The following TMEM135 variants were observed in gnomAD, a reference collection of about 807,000 sequenced individuals.
The protein encoded by TMEM135 is peroxisomal membrane protein 52.
A neutral mutation model predicts 60.3 loss-of-function variants in TMEM135; 30 were observed. The observed-to-expected ratio is 0.50, with a 90% CI of 0.37 to 0.68. TMEM135 has a LOEUF of 0.68. Ranked by LOEUF, TMEM135 falls within the 30% of genes least tolerant of loss-of-function variation. The probability of loss-of-function intolerance (pLI) is 0.00; values close to 1 mark genes in which losing one functional copy is unlikely to be tolerated. For missense variants in TMEM135, 468 were observed against 548.8 expected (o/e 0.85, Z 1.47); for synonymous variants, 190 against 186.7 (o/e 1.02, Z -0.14).
intron 5 of TMEM135, among the ~76,000 whole-genome samples, chr11:87,164,771 A>G (rs1257614360): frequency 4.6e-5 from 1 of 21,764 alleles, no homozygotes; most frequent in Non-Finnish European, 6.7e-5. Flanking sequence ...TGTAAGTTGG[A>G]TTCCTAGGTA....
chr11:87,271,281 C>T (rs1941856856), intron 6 of TMEM135, among the ~76,000 whole-genome samples: 1 of 152,126 alleles, frequency 6.6e-6, no homozygotes, highest in African/African-American at 2.4e-5. Context: ...AGTATGGTCA[C>T]ATTAATGTAC....
chr11:87,163,144 C>G (rs1190916405), intron 5 of TMEM135, among the ~76,000 whole-genome samples: 2 of 148,784 alleles, frequency 1.3e-5, no homozygotes, highest in Non-Finnish European at 3.0e-5. Flanking sequence ...CCACTAACTC[C>G]TCATCTAGCA....
At chr11:87,069,284 CAAAAAAAAAAAAAAA>C (rs778885228) in intron 2 of TMEM135, among the ~76,000 whole-genome samples, 2 of 62,550 alleles carry the variant, frequency 3.2e-5, no homozygotes, top group Non-Finnish European at 6.0e-5. Flanking sequence ...GACTCCGTCT[CAAAAAAAAAAAAAAA>C]AAAAAAAAAG....
At chr11:87,154,506 T>G (rs1348073833) in intron 4 of TMEM135, among the ~76,000 whole-genome samples, 2 of 152,222 alleles carry the variant, frequency 1.3e-5, no homozygotes, top group Non-Finnish European at 2.9e-5. Context: ...GCAGGGTGGC[T>G]GGGTTGTATG....
Position 87,145,464 on chromosome 11 carries a change from T to TC in TMEM135, c.397-11876dup, listed in dbSNP as rs1301664701. On this transcript the variant is annotated intron_variant, in intron 4 of 14. Coordinates refer to ENST00000305494, the MANE Select transcript of TMEM135 (RefSeq NM_022918.4). Reference sequence around the variant, plus strand: ...AATACCCAGCAGTGGGATTGCTGGGTCATATGGCAGTTCTATTTTTAGTGT... The same window carrying TC: ...AATACCCAGCAGTGGGATTGCTGGGTCCATATGGCAGTTCTATTTTTAGTGT... Among the ~76,000 whole-genome samples, 6 of 152,266 alleles carry TC rather than the reference T, an allele frequency of 3.9e-5. No homozygotes were observed. In the East Asian group the frequency reaches 1.2e-3, roughly 29 times the overall value.
At chr11:87,059,268 A>G (rs1949923442) in intron 1 of TMEM135, among the ~76,000 whole-genome samples, 1 of 151,012 alleles carries the variant, frequency 6.6e-6, no homozygotes, top group Non-Finnish European at 1.5e-5. Flanking sequence ...TCTTTTGATT[A>G]TGGATGAATA....
intron 3 of TMEM135, among the ~76,000 whole-genome samples, chr11:87,081,093 G>GTT (rs35529723): frequency 0.18 from 26,978 of 149,316 alleles, 2,548 homozygotes; most frequent in African/African-American, 0.24. Flanking sequence ...TATAATTAAA[G>GTT]TTTTTTTTTT....
intron 5 of TMEM135, among the ~76,000 whole-genome samples, chr11:87,177,487 G>A (rs1046493633): frequency 2.0e-5 from 3 of 152,002 alleles, no homozygotes; most frequent in South Asian, 2.1e-4. Flanking sequence ...CAGTTTTATT[G>A]TGGTATAATA....
intron 7 of TMEM135, among the ~76,000 whole-genome samples, chr11:87,298,839 G>A (rs1349110509): frequency 2.1e-5 from 3 of 144,568 alleles, no homozygotes; most frequent in Non-Finnish European, 4.5e-5. Flanking sequence ...TGTAATCCCA[G>A]CACTTTGGGA....
intron 6 of TMEM135, among the ~76,000 whole-genome samples, chr11:87,248,897 T>G (rs999204996): frequency 5.3e-5 from 8 of 152,210 alleles, no homozygotes; most frequent in Non-Finnish European, 8.8e-5. Flanking sequence ...TTTCTTGATT[T>G]ATTTTTCAGA....
chr11:87,149,015 C>G (rs1234385678), intron 4 of TMEM135, among the ~76,000 whole-genome samples: 1 of 150,624 alleles, frequency 6.6e-6, no homozygotes, highest in Non-Finnish European at 1.5e-5. Context: ...AACTTAGCAC[C>G]AAATCCCCCC....
At chr11:87,304,755 TA>T (rs2135442603) in intron 8 of TMEM135, among the ~76,000 whole-genome samples, 1 of 152,318 alleles carries the variant, frequency 6.6e-6, no homozygotes, top group African/African-American at 2.4e-5. Context: ...GTTATTGTTA[TA>T]AACAGGAAAA....
chr11:87,291,825 G>A (rs1302985812), intron 6 of TMEM135, among the ~76,000 whole-genome samples: 1 of 152,070 alleles, frequency 6.6e-6, no homozygotes, highest in East Asian at 1.9e-4. Context: ...TTACAGGCGT[G>A]AGCCACCGTC....
At chr11:87,236,836 C>A in intron 6 of TMEM135, 152 bp downstream of exon 6, 3 of 702,706 alleles carry the variant, frequency 4.3e-6, no homozygotes, top group Non-Finnish European at 7.4e-6. Flanking sequence ...AGAGGTAAAT[C>A]ATTGCTCCTT....
chr11:87,143,819 C>T (rs1356658583), intron 4 of TMEM135, among the ~76,000 whole-genome samples: 1 of 152,144 alleles, frequency 6.6e-6, no homozygotes, highest in African/African-American at 2.4e-5. Flanking sequence ...TGACATGTAA[C>T]CACTTTGATG....
At chr11:87,153,939 A>T (rs1938626056) in intron 4 of TMEM135, among the ~76,000 whole-genome samples, 1 of 152,224 alleles carries the variant, frequency 6.6e-6, no homozygotes, top group African/African-American at 2.4e-5. Flanking sequence ...ATGGGGAAGC[A>T]TTGGAAATAA....
At chr11:87,128,492 G>GA (rs768438944) in intron 4 of TMEM135, among the ~76,000 whole-genome samples, 8 of 152,010 alleles carry the variant, frequency 5.3e-5, no homozygotes, top group Non-Finnish European at 1.0e-4. Context: ...TTTGATTACT[G>GA]AGTTACTGCT....
At chr11:87,091,030 A>G (rs1430830160) in intron 3 of TMEM135, among the ~76,000 whole-genome samples, 2 of 152,046 alleles carry the variant, frequency 1.3e-5, no homozygotes, top group Non-Finnish European at 2.9e-5. Context: ...CAAAATTTAG[A>G]TTTCTCTAGC....
chr11:87,302,820 A>G (rs528598422), intron 8 of TMEM135, among the ~76,000 whole-genome samples: 2 of 152,330 alleles, frequency 1.3e-5, no homozygotes, highest in African/African-American at 4.8e-5. Context: ...TTAAGGAATA[A>G]TAAGGGATAA....
Sources: allele counts gnomAD v4.1 joint callset (sites outside exome capture counted in the v4.1 genomes callset), GRCh38; gene constraint gnomAD v4.1.1; transcripts MANE v1.5; gene names NCBI Gene and HGNC (gene_info 2026-07-23, HGNC 2026-07-21).